FREM1: variants seen among roughly 807,000 people sequenced by gnomAD.
FREM1 encodes the protein FRAS1 related extracellular matrix 1.
Under a neutral mutation model 210.1 loss-of-function variants are expected in FREM1, and 220 were observed. The observed-to-expected ratio is 1.05, with a 90% CI of 0.94 to 1.17. The LOEUF is 1.17. FREM1 is among the 50% of genes most tolerant of loss of function. FREM1 has a pLI of 0.00. For synonymous variants in FREM1, 1,189 were observed against 980.2 expected (o/e 1.21, Z -3.98); for missense variants, 3,454 against 2,675.5 (o/e 1.29, Z -6.42).
intron 1 of FREM1, among the ~76,000 whole-genome samples, chr9:14,885,811 A>T (rs1414911567): frequency 6.6e-6 from 1 of 152,214 alleles, no homozygotes; most frequent in African/African-American, 2.4e-5. Context: ...TAAATCAAAT[A>T]ACTAACATAT....
chr9:14,797,050 G>T (rs1364814757), intron 21 of FREM1, among the ~76,000 whole-genome samples: 2 of 152,096 alleles, frequency 1.3e-5, no homozygotes, highest in Non-Finnish European at 2.9e-5. Flanking sequence ...GAAAGAAGTG[G>T]GTTGATTTAT....
At chr9:14,887,476 C>G (rs1836022644) in intron 1 of FREM1, among the ~76,000 whole-genome samples, 1 of 152,170 alleles carries the variant, frequency 6.6e-6, no homozygotes. Flanking sequence ...AGATTCTTCT[C>G]TTTCAAGAAG....
chr9:14,890,449 A>G (rs901579326), intron 1 of FREM1, among the ~76,000 whole-genome samples: 1 of 152,252 alleles, frequency 6.6e-6, no homozygotes, highest in Admixed American at 6.5e-5. Context: ...AAAATTCACA[A>G]TATAATATGA....
At position 14,842,596 on chromosome 9, in the gene FREM1, A is replaced by C. The variant is rs542175014; in HGVS notation, c.1458T>G (p.Asp486Glu). 2.5e-6 allele frequency: 4 copies of C among 1,614,032 alleles called. No individual in the cohort carries two copies. The highest frequency in any genetic ancestry group is 1.3e-5 in the African/African-American group (1 of 75,060). ...CGAAGTCTTTGGTGGAGTCGCTGTCATCATGATGATAGCGAACAACTCCAG... is the reference window on the plus strand; with the variant it reads ...CGAAGTCTTTGGTGGAGTCGCTGTCCTCATGATGATAGCGAACAACTCCAG... ...LQAGVVRYHH[D>E]DSDSTKDFVV... is the part of the protein sequence containing the mutation. Residue 486 changes from aspartate (D) to glutamate (E), a missense_variant, in exon 9 of 37, where the codon GAT becomes GAG. Physicochemically the swap from Asp to Glu is conservative, Grantham distance 45. Transcript: ENST00000380880.
intron 6 of FREM1, among the ~76,000 whole-genome samples, chr9:14,849,831 A>G (rs1588355075): frequency 6.6e-6 from 1 of 152,218 alleles, no homozygotes; most frequent in East Asian, 1.9e-4. Flanking sequence ...ACATTATACA[A>G]TGCCAGAAAC....
At chr9:14,768,853 T>C (rs16932277) in intron 27 of FREM1, among the ~76,000 whole-genome samples, 11,422 of 152,158 alleles carry the variant, frequency 0.075, 703 homozygotes, top group African/African-American at 0.16. Flanking sequence ...GCTGTATCAC[T>C]TATGATGCTT....
intron 4 of FREM1, 98 bp from the exon 5 acceptor site, chr9:14,857,847 A>G (rs1829077962): frequency 1.1e-5 from 9 of 794,976 alleles, no homozygotes; most frequent in South Asian, 2.0e-5. Flanking sequence ...ATTCCCTCTC[A>G]CTGCCTCAGG....
chr9:14,905,625 A>G (rs1051644435), intron 1 of FREM1, among the ~76,000 whole-genome samples: 92 of 152,332 alleles, frequency 6.0e-4, no homozygotes, highest in African/African-American at 1.8e-3. Flanking sequence ...GCAGTGGCTC[A>G]CGCCTATAAC....
At chr9:14,872,719 G>C (rs1261504941) in intron 1 of FREM1, among the ~76,000 whole-genome samples, 4 of 150,168 alleles carry the variant, frequency 2.7e-5, no homozygotes, top group Non-Finnish European at 5.9e-5. Context: ...AATAGGAGTG[G>C]TGAGAGAGGG....
At chr9:14,799,233 C>G (rs1392611706) in intron 20 of FREM1, among the ~76,000 whole-genome samples, 1 of 151,300 alleles carries the variant, frequency 6.6e-6, no homozygotes, top group Admixed American at 6.6e-5. Flanking sequence ...CTGGAGTGAA[C>G]TGTGATTGCA....
At position 14,823,297 on chromosome 9, in the gene FREM1, T is replaced by A; in HGVS notation, c.2200A>T (p.Met734Leu). The change falls in exon 13 of 37, where the codon ATG becomes TTG. Residue 734 changes from methionine to leucine, a missense_variant. Physicochemically the swap from Met to Leu is conservative, Grantham distance 15. Coordinates refer to ENST00000380880, the MANE Select transcript of FREM1 (RefSeq NM_001379081.2). ...HAVNYMKVAYMPPMQDIGPHC... is the reference protein window; with the variant it reads ...HAVNYMKVAYLPPMQDIGPHC... ...GGACCAATGTCTTGCATGGGGGGCA[T>A]GTAGGCCACTTTCATATAGTTCACA... is the stretch of plus-strand genomic sequence containing the variant. 1 of 1,613,942 alleles carries A rather than the reference T, an allele frequency of 6.2e-7. No homozygotes were observed.
intron 5 of FREM1, 50 bp downstream of exon 5, chr9:14,857,503 C>G (rs773907118): frequency 6.8e-7 from 1 of 1,469,782 alleles, no homozygotes; most frequent in African/African-American, 1.4e-5. Context: ...GTGTAACTGG[C>G]TCTCTTACTG....
chr9:14,867,391 G>C lies in FREM1; in HGVS notation c.234+1353C>G, dbSNP rs145408899. Among the ~76,000 whole-genome samples the C allele has an allele frequency of 2.7e-3, 416 of 152,280 alleles. 2 individuals carry two copies. Among genetic ancestry groups the C allele is most frequent in the Middle Eastern group, 0.01 (3 of 294 alleles). On this transcript the variant is annotated intron_variant, in intron 2 of 36. Coordinates refer to ENST00000380880, the MANE Select transcript of FREM1 (RefSeq NM_001379081.2). ...ACTACCAAACACTTGGGAATACAATGGCTAATATGTGGAGCCATTGTTGAA... is the reference window on the plus strand; with the variant it reads ...ACTACCAAACACTTGGGAATACAATCGCTAATATGTGGAGCCATTGTTGAA...
chr9:14,783,591 C>A (rs767915707), intron 24 of FREM1, among the ~76,000 whole-genome samples: 13 of 152,172 alleles, frequency 8.5e-5, no homozygotes, highest in Non-Finnish European at 1.8e-4. Flanking sequence ...GTGTTTCTCT[C>A]CAGGACCTCA....
intron 3 of FREM1, among the ~76,000 whole-genome samples, chr9:14,860,784 T>C (rs907143830): frequency 1.3e-4 from 12 of 92,774 alleles, no homozygotes; most frequent in African/African-American, 2.0e-4. Flanking sequence ...CATATATACA[T>C]ATATACATAT....
intron 5 of FREM1, among the ~76,000 whole-genome samples, chr9:14,854,248 AT>A (rs1290049706): frequency 2.0e-5 from 3 of 152,272 alleles, no homozygotes; most frequent in East Asian, 1.9e-4. Flanking sequence ...TGCAAGACAA[AT>A]TTTTTTAATT....
At chr9:14,838,046 C>T (rs1035997539) in intron 10 of FREM1, among the ~76,000 whole-genome samples, 1 of 152,164 alleles carries the variant, frequency 6.6e-6, no homozygotes, top group Non-Finnish European at 1.5e-5. Context: ...CCCCAGGGAG[C>T]ACAGCTTGTA....
chr9:14,797,559 T>G lies in FREM1; in HGVS notation c.3778A>C (p.Ile1260Leu), dbSNP rs1277546500. The G allele has an allele frequency of 6.8e-6, 11 of 1,612,386 alleles. No individual in the cohort carries two copies. Among genetic ancestry groups the G allele is most frequent in the Non-Finnish European group, 9.3e-6 (11 of 1,178,480 alleles). ...TIQLSDGKHK[I>L]LKTISVEVIP... is the part of the protein sequence containing the mutation. ...ACCTCTACTGAAATGGTTTTAAGTA[T>G]CTTATGTTTCCCATCTGACAATTGG... is the stretch of plus-strand genomic sequence containing the variant. The change falls in exon 21 of 37, where the codon ATA becomes CTA. Residue 1260 changes from isoleucine to leucine, a missense_variant. By Grantham distance (5) the Ile-to-Leu change is conservative. Coordinates refer to ENST00000380880, the MANE Select transcript of FREM1 (RefSeq NM_001379081.2).
chr9:14,770,836 G>A (rs1191184887), intron 25 of FREM1, 30 bp from the exon 26 acceptor site: 3 of 1,544,814 alleles, frequency 1.9e-6, no homozygotes, highest in East Asian at 4.6e-5. Context: ...ATAAAATGTT[G>A]TCCAAAGGCC....
Sources: gnomAD v4.1 joint callset for allele counts (sites outside exome capture counted in the v4.1 genomes callset) on GRCh38, gnomAD v4.1.1 for gene constraint, MANE v1.5 for transcripts, NCBI Gene and HGNC (gene_info 2026-07-23, HGNC 2026-07-21) for gene names.